The following LRRTM3 variants were observed in gnomAD, a reference collection of about 807,000 sequenced individuals.
LRRTM3 encodes leucine-rich repeat transmembrane neuronal protein 3.
LRRTM3 carries 24 observed loss-of-function variants against 44.7 expected under a neutral mutation model. The ratio of observed to expected loss-of-function variants is 0.54; its 90% CI spans 0.39 to 0.76. The LOEUF (loss-of-function observed/expected upper bound fraction) is 0.76, where lower values mean the gene tolerates loss of function less well. Ranked by LOEUF, LRRTM3 falls within the 30% of genes least tolerant of loss-of-function variation. The pLI, the probability that LRRTM3 is intolerant of heterozygous loss-of-function variation, is 0.00. For missense variants in LRRTM3, 587 were observed against 702.2 expected, an observed-to-expected ratio of 0.84 and a Z score of 1.85; for synonymous variants, 277 against 278.7, an observed-to-expected ratio of 0.99 and a Z score of 0.06.
At chr10:67,052,433 G>A (rs1040967910) in intron 2 of LRRTM3, among the ~76,000 whole-genome samples, 1 of 151,804 alleles carries the variant, frequency 6.6e-6, no homozygotes, top group Non-Finnish European at 1.5e-5. Context: ...GGCCTAGAAC[G>A]AAATGGGCTT....
At chr10:67,089,836 CT>C (rs1324511014) in intron 2 of LRRTM3, among the ~76,000 whole-genome samples, 1 of 151,698 alleles carries the variant, frequency 6.6e-6, no homozygotes, top group Non-Finnish European at 1.5e-5. Context: ...TTGTCCATCC[CT>C]TTCACAAGCC....
intron 2 of LRRTM3, among the ~76,000 whole-genome samples, chr10:66,947,801 G>T (rs1848348923): frequency 6.6e-6 from 1 of 151,936 alleles, no homozygotes. Context: ...ACTAAGTTAG[G>T]CTGGCCAAGA....
chr10:67,022,009 T>A (rs1208589022), intron 2 of LRRTM3, among the ~76,000 whole-genome samples: 1 of 152,212 alleles, frequency 6.6e-6, no homozygotes, highest in Admixed American at 6.5e-5. Context: ...AATTGTTAAG[T>A]CGCAATAGAC....
At chr10:66,986,495 T>TCAAAAAAC (rs76915863) in intron 2 of LRRTM3, among the ~76,000 whole-genome samples, 61,971 of 151,918 alleles carry the variant, frequency 0.41, 13,218 homozygotes, top group South Asian at 0.6. Context: ...AGACTCCATC[T>TCAAAAAAC]TGCTAAACTA....
chr10:67,097,767 A>G lies in LRRTM3; in HGVS notation c.1717A>G (p.Ile573Val), dbSNP rs371233385. 4 of 1,612,434 alleles carry G rather than the reference A, an allele frequency of 2.5e-6. No individual in the cohort carries two copies. Among genetic ancestry groups the G allele is most frequent in the Non-Finnish European group, 2.5e-6 (3 of 1,178,912 alleles). ...GAGCACAATCACAACAGCTGGCCGA[A>G]TCAGTGACCATAAACAGCAGCTAGC... The part of the protein sequence containing the change: ...DLSTITTAGR[I>V]SDHKQQLA Residue 573 changes from isoleucine to valine, a missense_variant, in exon 3 of 3, where the codon ATC (isoleucine) becomes GTC (valine). Ile to Val is a conservative substitution (Grantham distance 29, BLOSUM62 3). This residue lies in a region of LRRTM3 where 315 missense variants were observed against 335.6 expected (regional missense o/e 0.94). Transcript: ENST00000361320.
chr10:66,992,044 G>A (rs1477484086), intron 2 of LRRTM3, among the ~76,000 whole-genome samples: 1 of 151,950 alleles, frequency 6.6e-6, no homozygotes, highest in Non-Finnish European at 1.5e-5. Flanking sequence ...ATGTCTCTTT[G>A]TGAACGTCAA....
chr10:66,984,626 A>G (rs4746651), intron 2 of LRRTM3, among the ~76,000 whole-genome samples: 124,051 of 152,006 alleles, frequency 0.82, 50,903 homozygotes, highest in Admixed American at 0.88. Flanking sequence ...ATATTATTAG[A>G]GTAAATAGTA....
At chr10:67,037,893 T>A (rs1854161622) in intron 2 of LRRTM3, among the ~76,000 whole-genome samples, 2 of 152,194 alleles carry the variant, frequency 1.3e-5, no homozygotes, top group African/African-American at 4.8e-5. Flanking sequence ...GGTTGATAGA[T>A]TTAAAAGAAG....
In LRRTM3 at chr10:67,099,996, A is replaced by G. The variant is rs986988249; in HGVS notation, c.*2200A>G. Among the ~76,000 whole-genome samples, 7 of 151,786 alleles carry G rather than the reference A, an allele frequency of 4.6e-5. No homozygotes were observed. The South Asian group carries it at 1.4e-3, about 31-fold the overall frequency. On this transcript the variant is annotated 3_prime_UTR_variant, in exon 3 of 3. Transcript: ENST00000361320. ...CAAAATGTCATTTGCAAGTTTTCTC[A>G]TTAGAAGTTATCCTTGCAAAGATAG...
chr10:67,045,685 C>T (rs1854693474), intron 2 of LRRTM3, among the ~76,000 whole-genome samples: 1 of 152,124 alleles, frequency 6.6e-6, no homozygotes, highest in Admixed American at 6.5e-5. Flanking sequence ...CGGGATGGGG[C>T]GGCCCCCAGG....
At chr10:67,043,666 T>A (rs922765657) in intron 2 of LRRTM3, among the ~76,000 whole-genome samples, 2 of 152,174 alleles carry the variant, frequency 1.3e-5, no homozygotes, top group Admixed American at 1.3e-4. Context: ...CTTGCAGTAA[T>A]GCCTACCCTT....
intron 2 of LRRTM3, among the ~76,000 whole-genome samples, chr10:66,958,792 C>T (rs1346030713): frequency 6.6e-6 from 1 of 151,980 alleles, no homozygotes; most frequent in African/African-American, 2.4e-5. Context: ...TTGAGATCCT[C>T]CAAATATGAC....
intron 2 of LRRTM3, among the ~76,000 whole-genome samples, chr10:67,072,565 C>T (rs1310428752): frequency 2.0e-5 from 3 of 152,178 alleles, no homozygotes; most frequent in South Asian, 2.1e-4. Context: ...ACGTCTCAAG[C>T]CAACCAAGGA....
At chr10:66,940,388 A>G (rs896614506) in intron 2 of LRRTM3, among the ~76,000 whole-genome samples, 1 of 152,254 alleles carries the variant, frequency 6.6e-6, no homozygotes, top group East Asian at 1.9e-4. Flanking sequence ...CTGAAGTGGG[A>G]GGACTGCTTA....
intron 2 of LRRTM3, among the ~76,000 whole-genome samples, chr10:67,096,812 T>C (rs1858021087): frequency 6.6e-6 from 1 of 151,902 alleles, no homozygotes. Context: ...CAAACTAGCA[T>C]CATCCTTTGA....
intron 2 of LRRTM3, among the ~76,000 whole-genome samples, chr10:67,009,402 A>G (rs1313374447): frequency 1.3e-5 from 2 of 151,864 alleles, no homozygotes; most frequent in East Asian, 3.9e-4. Context: ...TATTGCTTCT[A>G]ATATTTTTGT....
chr10:67,069,594 C>A (rs1856320606), intron 2 of LRRTM3, among the ~76,000 whole-genome samples: 1 of 141,302 alleles, frequency 7.1e-6, no homozygotes, highest in African/African-American at 2.8e-5. Context: ...CCAGTCCCTG[C>A]CCAGAGTAAA....
At chr10:67,046,526 C>T (rs1333831830) in intron 2 of LRRTM3, among the ~76,000 whole-genome samples, 6 of 152,182 alleles carry the variant, frequency 3.9e-5, no homozygotes, top group Admixed American at 3.3e-4. Flanking sequence ...GAAAAGGAAT[C>T]TATCCGTCTT....
chr10:67,077,057 C>G (rs1386912281), intron 2 of LRRTM3, among the ~76,000 whole-genome samples: 2 of 152,166 alleles, frequency 1.3e-5, no homozygotes, highest in Non-Finnish European at 2.9e-5. Context: ...CTAAACATTC[C>G]TCTGAGACCT....
Sources: gnomAD v4.1 joint callset for allele counts (sites outside exome capture counted in the v4.1 genomes callset) on GRCh38, gnomAD v4.1.1 for gene constraint, gnomAD v4.1.1 regional missense constraint, MANE v1.5 for transcripts, NCBI Gene and HGNC (gene_info 2026-07-23, HGNC 2026-07-21) for gene names.